DPP6: variants seen among roughly 807,000 people sequenced by gnomAD.
The protein encoded by DPP6 is A-type potassium channel modulatory protein DPP6.
A neutral mutation model predicts 122.6 loss-of-function variants in DPP6; 69 were observed. That is an observed-to-expected ratio of 0.56 (90% CI 0.46 to 0.69). The LOEUF (loss-of-function observed/expected upper bound fraction) is 0.69, where lower values mean the gene tolerates loss of function less well. Ranked by LOEUF, DPP6 falls within the 30% of genes least tolerant of loss-of-function variation. The pLI is 0.00. For missense variants in DPP6, 928 were observed against 1,116.9 expected, an observed-to-expected ratio of 0.83 and a Z score of 2.41; for synonymous variants, 418 against 433.1, an observed-to-expected ratio of 0.97 and a Z score of 0.43.
intron 1 of DPP6, among the ~76,000 whole-genome samples, chr7:154,022,376 G>T (rs1266993640): frequency 6.6e-6 from 1 of 152,184 alleles, no homozygotes; most frequent in Non-Finnish European, 1.5e-5. Context: ...GAGAGTAGGG[G>T]ACACTTGCAT....
chr7:154,837,073 A>G (rs1325583316), intron 16 of DPP6, among the ~76,000 whole-genome samples: 1 of 152,220 alleles, frequency 6.6e-6, no homozygotes, highest in Non-Finnish European at 1.5e-5. Flanking sequence ...GTACACATGC[A>G]CTCACACATG....
intron 4 of DPP6, among the ~76,000 whole-genome samples, chr7:154,555,113 A>G (rs1305648493): frequency 2.0e-5 from 3 of 152,222 alleles, no homozygotes; most frequent in African/African-American, 7.2e-5. Flanking sequence ...AATACTCACC[A>G]TCACCATTAA....
chr7:154,430,054 A>G (rs1818232105), intron 1 of DPP6, among the ~76,000 whole-genome samples: 1 of 152,060 alleles, frequency 6.6e-6, no homozygotes, highest in Admixed American at 6.6e-5. Flanking sequence ...CAGCCTTTGA[A>G]GGTGAGAAGC....
chr7:154,394,341 G>T (rs1814889054), intron 1 of DPP6, among the ~76,000 whole-genome samples: 1 of 152,094 alleles, frequency 6.6e-6, no homozygotes, highest in Admixed American at 6.5e-5. Flanking sequence ...CTAATGATTA[G>T]TGGTGTTGAG....
chr7:153,988,685 C>T (rs780148913), intron 1 of DPP6, among the ~76,000 whole-genome samples: 1 of 152,138 alleles, frequency 6.6e-6, no homozygotes, highest in Non-Finnish European at 1.5e-5. Context: ...GTCGATGGCA[C>T]GTCGGGGTGG....
At chr7:154,328,806 G>A (rs947895578) in intron 1 of DPP6, among the ~76,000 whole-genome samples, 7 of 152,108 alleles carry the variant, frequency 4.6e-5, no homozygotes, top group Admixed American at 6.6e-5. Flanking sequence ...AAGAGAAGCC[G>A]GTGGTCACAC....
At chr7:154,587,203 C>T (rs538795914) in intron 5 of DPP6, 245 of 205,786 alleles carry the variant, frequency 1.2e-3, no homozygotes, top group Non-Finnish European at 2.0e-3. Context: ...CTCAGTCCTG[C>T]TGCACTTCGG....
intron 1 of DPP6, among the ~76,000 whole-genome samples, chr7:154,441,075 T>G (rs1318611804): frequency 6.6e-6 from 1 of 152,196 alleles, no homozygotes; most frequent in African/African-American, 2.4e-5. Context: ...ACATTCACAG[T>G]GGTTATTGGC....
At chr7:154,405,069 A>ATATGTATGTGTACATTTC in intron 1 of DPP6, among the ~76,000 whole-genome samples, 1 of 152,242 alleles carries the variant, frequency 6.6e-6, no homozygotes, top group African/African-American at 2.4e-5. Context: ...GCATATATTT[A>ATATGTATGTGTACATTTC]TATGTATGTG....
intron 1 of DPP6, among the ~76,000 whole-genome samples, chr7:154,250,490 C>T (rs1368968360): frequency 6.6e-6 from 1 of 151,988 alleles, no homozygotes; most frequent in Non-Finnish European, 1.5e-5. Context: ...GCACGGTTGG[C>T]TTCATTTTCT....
chr7:154,217,292 T>C (rs1290077909), intron 1 of DPP6, among the ~76,000 whole-genome samples: 1 of 152,234 alleles, frequency 6.6e-6, no homozygotes, highest in Non-Finnish European at 1.5e-5. Flanking sequence ...TGAAGCTATG[T>C]CTAGCACATG....
intron 7 of DPP6, among the ~76,000 whole-genome samples, chr7:154,716,953 C>T (rs1056105310): frequency 2.0e-5 from 3 of 152,142 alleles, no homozygotes; most frequent in Non-Finnish European, 4.4e-5. Context: ...CCTGCCTCAG[C>T]CTCCCAAGTA....
the DPP6 span, among the ~76,000 whole-genome samples, chr7:153,871,780 G>A: frequency 5.3e-4 from 81 of 152,172 alleles, no homozygotes; most frequent in African/African-American, 1.9e-3. Context: ...CTTCCTATTC[G>A]GCCATCTTGG....
intron 6 of DPP6, among the ~76,000 whole-genome samples, chr7:154,665,329 TTTAA>T (rs1450704693): frequency 6.6e-6 from 1 of 152,254 alleles, no homozygotes; most frequent in African/African-American, 2.4e-5. Context: ...ATTTGATTTA[TTTAA>T]TTATTTATAT....
intron 1 of DPP6, among the ~76,000 whole-genome samples, chr7:153,962,674 A>G (rs1238820286): frequency 6.6e-6 from 1 of 152,106 alleles, no homozygotes; most frequent in Non-Finnish European, 1.5e-5. Flanking sequence ...CCAACACATT[A>G]TTTGCTCCTC....
At chr7:153,869,307 A>C in the DPP6 span, among the ~76,000 whole-genome samples, 7 of 152,276 alleles carry the variant, frequency 4.6e-5, no homozygotes, top group Non-Finnish European at 8.8e-5. Context: ...GTAGGTCACT[A>C]AGGACTTGCT....
intron 1 of DPP6, among the ~76,000 whole-genome samples, chr7:154,159,605 T>A (rs1225525587): frequency 2.0e-5 from 3 of 152,232 alleles, no homozygotes; most frequent in South Asian, 2.1e-4. Flanking sequence ...AAATAAAGCC[T>A]CCGCCTCTAA....
At chr7:153,762,040 T>C in the DPP6 span, among the ~76,000 whole-genome samples, 12 of 152,338 alleles carry the variant, frequency 7.9e-5, no homozygotes, top group African/African-American at 2.6e-4. Context: ...TAGTTACATG[T>C]CCTGCAGTCA....
the DPP6 span, among the ~76,000 whole-genome samples, chr7:153,759,358 A>G: frequency 6.6e-6 from 1 of 151,362 alleles, no homozygotes; most frequent in African/African-American, 2.4e-5. Context: ...TCGCTCTGTC[A>G]CCCAGGCTGG....
Sources: gnomAD v4.1 joint callset for allele counts (sites outside exome capture counted in the v4.1 genomes callset) on GRCh38, gnomAD v4.1.1 for gene constraint, MANE v1.5 for transcripts, NCBI Gene and HGNC (gene_info 2026-07-23, HGNC 2026-07-21) for gene names.